Variants in PSD3 observed in about 807,000 individuals in gnomAD.
PSD3 encodes the protein pleckstrin and Sec7 domain containing 3.
A neutral mutation model predicts 105.5 loss-of-function variants in PSD3; 49 were observed. That is an observed-to-expected ratio of 0.46 (90% CI 0.37 to 0.59). The LOEUF (loss-of-function observed/expected upper bound fraction) is 0.59. Ranked by LOEUF, PSD3 falls within the 20% of genes least tolerant of loss-of-function variation. PSD3 has a pLI of 0.00. For synonymous variants in PSD3, 557 were observed against 457.8 expected (o/e 1.22, Z -2.77); for missense variants, 1,561 against 1,263.8 (o/e 1.24, Z -3.57).
intron 4 of PSD3, among the ~76,000 whole-genome samples, chr8:18,833,888 TAGTC>T (rs1563325732): frequency 6.6e-6 from 1 of 152,100 alleles, no homozygotes; most frequent in African/African-American, 2.4e-5. Context: ...ACTAGTAAGA[TAGTC>T]AGTTACAAAA....
rs747102319 is a variant in PSD3, at chr8:18,905,510, C to T, written c.130+30524G>A. ...GGATAATTTTTGTATTTTTAATAGA[C>T]GGGGTTTCACCATATTGGTCAGGCT... is the stretch of plus-strand genomic sequence containing the variant. On this transcript the variant is annotated intron_variant, in intron 2 of 15. Coordinates refer to ENST00000327040, the MANE Select transcript of PSD3 (RefSeq NM_015310.4). Among the ~76,000 whole-genome samples, 7 of 152,160 alleles carry T rather than the reference C, an allele frequency of 4.6e-5. No homozygotes were observed. In the East Asian group the frequency reaches 5.8e-4, roughly 13 times the overall value.
intron 8 of PSD3, among the ~76,000 whole-genome samples, chr8:18,774,267 T>C (rs1807819768): frequency 6.6e-6 from 1 of 152,178 alleles, no homozygotes; most frequent in Admixed American, 6.5e-5. Context: ...GCTACATATA[T>C]TTTTAGAGTA....
intron 9 of PSD3, among the ~76,000 whole-genome samples, chr8:18,667,594 A>T (rs1039849474): frequency 3.3e-5 from 5 of 152,198 alleles, no homozygotes; most frequent in African/African-American, 1.2e-4. Context: ...GTCCCCAAAT[A>T]GATTTAGGAG....
At chr8:18,732,718 G>A (rs1803856978) in intron 9 of PSD3, 1 of 152,244 alleles carries the variant, frequency 6.6e-6, no homozygotes. Context: ...ACACAAACCA[G>A]CCCAGGCTTC....
intron 11 of PSD3, among the ~76,000 whole-genome samples, chr8:18,621,505 C>G (rs968404082): frequency 4.6e-5 from 7 of 152,172 alleles, no homozygotes; most frequent in African/African-American, 1.7e-4. Flanking sequence ...CATGAGCCAT[C>G]ATTACGGAAT....
chr8:18,628,458 A>G (rs1806653996), intron 11 of PSD3, among the ~76,000 whole-genome samples: 1 of 151,898 alleles, frequency 6.6e-6, no homozygotes, highest in Non-Finnish European at 1.5e-5. Flanking sequence ...GAAAGGAAAA[A>G]CAACCTGCCA....
chr8:19,084,060 G>T, intron 1 of PSD3: 1 of 343,966 alleles, frequency 2.9e-6, no homozygotes, highest in Non-Finnish European at 5.8e-6. Flanking sequence ...GCCTGGGAAG[G>T]CTGCGGCTCG....
upstream of PSD3, among the ~76,000 whole-genome samples, chr8:19,018,593 T>C (rs1827251217): frequency 6.6e-6 from 1 of 152,234 alleles, no homozygotes; most frequent in Non-Finnish European, 1.5e-5. Context: ...GATGTGTGTG[T>C]ACATGAAAGC....
intron 4 of PSD3, among the ~76,000 whole-genome samples, chr8:18,838,682 T>C (rs2129451105): frequency 6.6e-6 from 1 of 151,702 alleles, no homozygotes; most frequent in East Asian, 2.0e-4. Flanking sequence ...GCACCTGTAG[T>C]CCCAGCTACT....
At chr8:18,632,091 T>C (rs1341894310) in intron 11 of PSD3, among the ~76,000 whole-genome samples, 1 of 152,056 alleles carries the variant, frequency 6.6e-6, no homozygotes, top group African/African-American at 2.4e-5. Context: ...TTCCCAAAAC[T>C]AATTATACTA....
intron 9 of PSD3, among the ~76,000 whole-genome samples, chr8:18,689,118 A>C (rs1800825714): frequency 6.6e-6 from 1 of 152,186 alleles, no homozygotes; most frequent in African/African-American, 2.4e-5. Context: ...TCAACCTCTC[A>C]AAAGAGTACC....
chr8:19,053,587 C>T (rs1302837313), intron 1 of PSD3, among the ~76,000 whole-genome samples: 1 of 151,974 alleles, frequency 6.6e-6, no homozygotes. Context: ...TCACTTGAGG[C>T]CAGGAGTTCG....
In PSD3 at chr8:18,616,360, T is replaced by A. The variant is rs757109926; in HGVS notation, c.2411-15926A>T. Among the ~76,000 whole-genome samples the A allele has an allele frequency of 5.4e-4, 82 of 152,348 alleles. 1 individual carries two copies. Among genetic ancestry groups the A allele is most frequent in the Admixed American group, 2.2e-3 (34 of 15,310 alleles). On this transcript the variant is annotated intron_variant, in intron 11 of 15. Coordinates refer to ENST00000327040, the MANE Select transcript of PSD3 (RefSeq NM_015310.4). ...CTTTCAGAGGCCCTGCAAACAGAAG[T>A]AGCTCTGCAAAGCTATCTTTTGTGG...
intron 15 of PSD3, among the ~76,000 whole-genome samples, chr8:18,554,776 G>C (rs1348643888): frequency 6.6e-6 from 1 of 152,094 alleles, no homozygotes; most frequent in Non-Finnish European, 1.5e-5. Context: ...ATTGTGCCAA[G>C]TACTGAAACA....
At chr8:18,739,458 A>C (rs571709658) in intron 9 of PSD3, among the ~76,000 whole-genome samples, 25 of 152,352 alleles carry the variant, frequency 1.6e-4, no homozygotes, top group African/African-American at 6.0e-4. Context: ...AGAACCAGAA[A>C]GTGTTCTAAA....
intron 10 of PSD3, among the ~76,000 whole-genome samples, chr8:18,655,148 C>G (rs886325303): frequency 1.3e-5 from 2 of 151,430 alleles, no homozygotes; most frequent in South Asian, 2.1e-4. Flanking sequence ...ACTGTGAAAC[C>G]CCGTCTCTAC....
At chr8:18,538,289 C>A (rs1284127936) in intron 15 of PSD3, among the ~76,000 whole-genome samples, 1 of 152,128 alleles carries the variant, frequency 6.6e-6, no homozygotes, top group Non-Finnish European at 1.5e-5. Context: ...TACAGAATAG[C>A]ATGCTAAGCA....
At chr8:18,675,537 G>T (rs1800018150) in intron 9 of PSD3, among the ~76,000 whole-genome samples, 1 of 152,028 alleles carries the variant, frequency 6.6e-6, no homozygotes, top group Non-Finnish European at 1.5e-5. Flanking sequence ...ATGTCATAAG[G>T]GGAGTCAGGC....
intron 1 of PSD3, among the ~76,000 whole-genome samples, chr8:18,956,925 G>T (rs1823605111): frequency 6.6e-6 from 1 of 152,098 alleles, no homozygotes. Flanking sequence ...GACTCCAGTT[G>T]GGGATCCTGT....
Sources: gnomAD v4.1 joint callset for allele counts (sites outside exome capture counted in the v4.1 genomes callset) on GRCh38, gnomAD v4.1.1 for gene constraint, MANE v1.5 for transcripts, NCBI Gene and HGNC (gene_info 2026-07-23, HGNC 2026-07-21) for gene names.